Variants in DCP1A observed in about 807,000 individuals in gnomAD.
DCP1A encodes the protein mRNA-decapping enzyme 1A.
In DCP1A, 20 loss-of-function variants were observed where a neutral mutation model predicts 58.0. The ratio of observed to expected loss-of-function variants is 0.34; its 90% confidence interval spans 0.24 to 0.50. The LOEUF is 0.50. Among genes scored for constraint, DCP1A ranks in the 20% least tolerant of loss-of-function variants. DCP1A has a pLI of 0.98. For missense variants in DCP1A, 613 were observed against 712.2 expected (o/e 0.86, Z 1.59); for synonymous variants, 285 against 275.1 (o/e 1.04, Z -0.36).
intron 4 of DCP1A, among the ~76,000 whole-genome samples, chr3:53,318,532 A>G (rs180894319): frequency 2.0e-5 from 3 of 152,082 alleles, no homozygotes; most frequent in Admixed American, 1.3e-4. Flanking sequence ...CCGTCTACCT[A>G]TTATAGCATT....
At chr3:53,291,598 G>T (rs1423213621) in intron 7 of DCP1A, among the ~76,000 whole-genome samples, 1 of 152,068 alleles carries the variant, frequency 6.6e-6, no homozygotes, top group Non-Finnish European at 1.5e-5. Flanking sequence ...TGCTGAGTCT[G>T]TAGAGATAAG....
At chr3:53,302,832 A>G (rs1388110716) in intron 6 of DCP1A, among the ~76,000 whole-genome samples, 1 of 152,182 alleles carries the variant, frequency 6.6e-6, no homozygotes, top group Non-Finnish European at 1.5e-5. Flanking sequence ...CATGTTGGCC[A>G]GGCTGGTCTC....
intron 3 of DCP1A, chr3:53,329,420 G>A (rs1405465315): frequency 1.0e-5 from 4 of 398,346 alleles, no homozygotes; most frequent in Non-Finnish European, 1.8e-5. Context: ...AGAAACGAAG[G>A]GGTACTTCTC....
intron 4 of DCP1A, 128 bp from the exon 5 acceptor site, chr3:53,312,507 T>C (rs1350572886): frequency 1.6e-5 from 16 of 1,013,974 alleles, no homozygotes; most frequent in Admixed American, 6.5e-5. Flanking sequence ...TTTTTTTTTT[T>C]TTTTTTGAGA....
At chr3:53,307,612 G>A (rs1475368370) in intron 5 of DCP1A, among the ~76,000 whole-genome samples, 1 of 152,146 alleles carries the variant, frequency 6.6e-6, no homozygotes, top group African/African-American at 2.4e-5. Context: ...ACTTGTGCAG[G>A]GCCTTTCTTG....
intron 4 of DCP1A, among the ~76,000 whole-genome samples, chr3:53,312,991 C>CA (rs1707696251): frequency 6.6e-6 from 1 of 152,006 alleles, no homozygotes; most frequent in African/African-American, 2.4e-5. Context: ...TGAAGTATTT[C>CA]AAAATCAGTC....
chr3:53,307,924 T>C (rs1368813868), intron 5 of DCP1A, among the ~76,000 whole-genome samples: 1 of 152,188 alleles, frequency 6.6e-6, no homozygotes, highest in Non-Finnish European at 1.5e-5. Flanking sequence ...GCTATAAATA[T>C]CAGTTTTTTC....
Position 53,304,291 on chromosome 3 carries a change from C to T in DCP1A, c.511-1G>A. ...AGATATTTGAGTCACCCATCTGATTCTTTAAAAAGTTAAAAGAAAAAAATA... is the reference window on the plus strand; with the variant it reads ...AGATATTTGAGTCACCCATCTGATTTTTTAAAAAGTTAAAAGAAAAAAATA... On this transcript the variant is annotated splice_acceptor_variant, in intron 5 of 9. Transcript: ENST00000610213. LOFTEE classifies it high-confidence loss of function. The T allele has an allele frequency of 1.9e-6, 3 of 1,602,670 alleles. No homozygotes were observed. The highest frequency in any genetic ancestry group is 2.6e-6 in the Non-Finnish European group (3 of 1,175,506).
At position 53,295,036 on chromosome 3, in the gene DCP1A, G is replaced by C. The variant is rs929407241; in HGVS notation, c.625-2209C>G. Among the ~76,000 whole-genome samples, 51 of 152,312 alleles carry C rather than the reference G, an allele frequency of 3.3e-4. 1 individual carries two copies. The highest frequency in any genetic ancestry group is 3.1e-3 in the Admixed American group (47 of 15,302). On this transcript the variant is annotated intron_variant, in intron 6 of 9. Coordinates refer to ENST00000610213, the MANE Select transcript of DCP1A (RefSeq NM_018403.7). ...GGGGAGTAGGGGGAAGTCAGTATGAGGAGAGGGAGCTTAAGGCAAGAGATC... is the reference window on the plus strand; with the variant it reads ...GGGGAGTAGGGGGAAGTCAGTATGACGAGAGGGAGCTTAAGGCAAGAGATC...
intron 3 of DCP1A, among the ~76,000 whole-genome samples, chr3:53,330,349 C>T (rs76808290): frequency 6.6e-6 from 1 of 151,996 alleles, no homozygotes; most frequent in African/African-American, 2.4e-5. Flanking sequence ...TTGGTCAACA[C>T]AGCAAGACCC....
At chr3:53,346,531 T>A (rs1553693155) in intron 1 of DCP1A, among the ~76,000 whole-genome samples, 2 of 152,208 alleles carry the variant, frequency 1.3e-5, no homozygotes, top group African/African-American at 4.8e-5. Context: ...TGTAGCTGAA[T>A]GAGTTAATTA....
chr3:53,322,601 C>A (rs931144679), intron 3 of DCP1A, among the ~76,000 whole-genome samples: 1 of 151,808 alleles, frequency 6.6e-6, no homozygotes, highest in Non-Finnish European at 1.5e-5. Context: ...GAATGAAGAT[C>A]ATGAACAAGA....
intron 1 of DCP1A, 55 bp from the exon 2 acceptor site, chr3:53,344,997 A>G: frequency 1.5e-6 from 2 of 1,333,422 alleles, no homozygotes; most frequent in Non-Finnish European, 2.1e-6. Context: ...GACCCCAAAT[A>G]GTCCCCATGG....
intron 2 of DCP1A, among the ~76,000 whole-genome samples, chr3:53,343,016 C>T (rs1553692753): frequency 1.3e-5 from 2 of 152,182 alleles, no homozygotes; most frequent in African/African-American, 4.8e-5. Flanking sequence ...TTGAATCCTA[C>T]AATAGGAAAC....
chr3:53,291,152 G>T, intron 7 of DCP1A, among the ~76,000 whole-genome samples: 1 of 116,084 alleles, frequency 8.6e-6, no homozygotes. Context: ...TGAAACCTGT[G>T]TCTCTTATAA....
At chr3:53,323,439 T>C (rs782751695) in intron 3 of DCP1A, among the ~76,000 whole-genome samples, 102 of 152,236 alleles carry the variant, frequency 6.7e-4, no homozygotes, top group Middle Eastern at 3.2e-3. Flanking sequence ...TAGGACTACC[T>C]TTCTTGAAAT....
rs950299433 is a variant in DCP1A at position 53,308,105 on chromosome 3, G to A, written c.511-3815C>T. ...CTTGGACATATTTTTGCAAGGATAC[G>A]TAACAAAGTATTAGCAGTGATTATT... On this transcript the variant is annotated intron_variant, in intron 5 of 9. Transcript: ENST00000610213. 1.4e-4 allele frequency among the ~76,000 whole-genome samples: 21 copies of A among 151,982 alleles called. 1 individual carries two copies. The highest frequency in any genetic ancestry group is 1.3e-3 in the South Asian group (6 of 4,792).
intron 3 of DCP1A, among the ~76,000 whole-genome samples, chr3:53,320,020 T>C (rs1300146675): frequency 2.0e-5 from 3 of 151,630 alleles, no homozygotes; most frequent in Non-Finnish European, 4.4e-5. Context: ...CCCAGCTACT[T>C]GGGAGGCTGA....
chr3:53,346,561 A>G (rs2089294174), intron 1 of DCP1A, among the ~76,000 whole-genome samples: 1 of 152,166 alleles, frequency 6.6e-6, no homozygotes, highest in Non-Finnish European at 1.5e-5. Context: ...AATTACAAGA[A>G]AGTGGGAAAT....
Sources: allele counts gnomAD v4.1 joint callset (sites outside exome capture counted in the v4.1 genomes callset), GRCh38; gene constraint gnomAD v4.1.1; transcripts MANE v1.5; gene names NCBI Gene and HGNC (gene_info 2026-07-23, HGNC 2026-07-21).